The following RMDN2 variants were observed in gnomAD, a reference collection of about 807,000 sequenced individuals.
The protein encoded by RMDN2 is regulator of microtubule dynamics protein 2.
A neutral mutation model predicts 52.8 loss-of-function variants in RMDN2; 61 were observed. The ratio of observed to expected loss-of-function variants is 1.16; its 90% CI spans 0.94 to 1.43. The LOEUF is 1.43. Among genes scored for constraint, RMDN2 ranks in the 40% most tolerant of loss-of-function variants. The pLI, the probability that RMDN2 is intolerant of heterozygous loss-of-function variation, is 0.00. For missense variants in RMDN2, 592 were observed against 475.3 expected (o/e 1.25, Z -2.28); for synonymous variants, 180 against 153.1 (o/e 1.18, Z -1.30).
chr2:38,035,224 G>A (rs1680492358), intron 10 of RMDN2, among the ~76,000 whole-genome samples: 1 of 152,082 alleles, frequency 6.6e-6, no homozygotes, highest in African/African-American at 2.4e-5. Context: ...CATTTACCCT[G>A]AGTAAAACAA....
At chr2:38,033,223 G>C (rs1017997374) in intron 10 of RMDN2, 3 of 152,148 alleles carry the variant, frequency 2.0e-5, no homozygotes, top group Admixed American at 1.3e-4. Context: ...ATAGCCAAAA[G>C]CACCTTTGTT....
chr2:37,922,809 G>A (rs1666068193), upstream of RMDN2, among the ~76,000 whole-genome samples: 1 of 152,164 alleles, frequency 6.6e-6, no homozygotes, highest in South Asian at 2.1e-4. Context: ...GGTTGAATTG[G>A]TTTTGGACGG....
At chr2:37,927,791 ATTTAG>A (rs1214390242) in intron 1 of RMDN2, among the ~76,000 whole-genome samples, 1 of 152,218 alleles carries the variant, frequency 6.6e-6, no homozygotes, top group East Asian at 1.9e-4. Flanking sequence ...TTTCAAGATA[ATTTAG>A]TTTTGTGATA....
intron 2 of RMDN2, among the ~76,000 whole-genome samples, chr2:37,938,376 C>A (rs189864751): frequency 2.0e-5 from 3 of 152,236 alleles, no homozygotes; most frequent in East Asian, 1.9e-4. Flanking sequence ...TGTGTCTCTG[C>A]CAGGTTTTGG....
Position 38,027,588 on chromosome 2 carries a change from T to C in RMDN2, c.1713+23372T>C, listed in dbSNP as rs182510892. Among the ~76,000 whole-genome samples the C allele has an allele frequency of 1.5e-4, 23 of 152,342 alleles. No individual in the cohort carries two copies. The East Asian group carries it at 4.2e-3, about 28-fold the overall frequency. On this transcript the variant is annotated intron_variant, in intron 10 of 10. Coordinates refer to the RMDN2 transcript ENST00000234195. ...GATAAAATAAAGCAAATTGACATAC[T>C]TGTACTATGGAATTACTTATTAAAT...
chr2:38,001,163 A>G (rs186015662), intron 8 of RMDN2, among the ~76,000 whole-genome samples: 317 of 152,348 alleles, frequency 2.1e-3, no homozygotes, highest in Non-Finnish European at 3.6e-3. Context: ...GTTTTAAAGA[A>G]GAGCTAATTT....
At chr2:37,968,616 A>G (rs528590841) in intron 2 of RMDN2, among the ~76,000 whole-genome samples, 2 of 152,292 alleles carry the variant, frequency 1.3e-5, no homozygotes, top group East Asian at 1.9e-4. Context: ...GCTTTCAGAG[A>G]TGCTGTTGTT....
chr2:38,037,639 A>G (rs1680670986), intron 10 of RMDN2, among the ~76,000 whole-genome samples: 1 of 152,166 alleles, frequency 6.6e-6, no homozygotes, highest in Non-Finnish European at 1.5e-5. Context: ...GAGTCTTAAA[A>G]CATAGTTCAG....
At chr2:37,975,338 C>A (rs1312795509) in intron 4 of RMDN2, 24 bp downstream of exon 4, 1 of 1,314,290 alleles carries the variant, frequency 7.6e-7, no homozygotes. Flanking sequence ...AAAGATTATT[C>A]TCAAGTAGCA....
chr2:38,003,374 G>A (rs979151430), intron 8 of RMDN2, among the ~76,000 whole-genome samples: 1 of 152,082 alleles, frequency 6.6e-6, no homozygotes, highest in African/African-American at 2.4e-5. Context: ...ACAATATGGT[G>A]AAATCCCATC....
intron 2 of RMDN2, among the ~76,000 whole-genome samples, chr2:37,944,182 C>G (rs1357940874): frequency 6.6e-6 from 1 of 151,996 alleles, no homozygotes; most frequent in South Asian, 2.1e-4. Context: ...GGAGATGAGG[C>G]CGTTGTTTTT....
At chr2:37,976,196 C>CT (rs1470481952) in intron 4 of RMDN2, 4 of 152,132 alleles carry the variant, frequency 2.6e-5, no homozygotes, top group African/African-American at 9.7e-5. Context: ...GACATCTATA[C>CT]TTTTCTACAA....
intron 8 of RMDN2, among the ~76,000 whole-genome samples, chr2:37,999,193 T>G (rs981052448): frequency 2.0e-5 from 3 of 152,176 alleles, no homozygotes; most frequent in African/African-American, 7.2e-5. Context: ...AGGTAAAGAA[T>G]GCAAATTTCG....
chr2:37,946,877 A>G (rs898229223), intron 2 of RMDN2, among the ~76,000 whole-genome samples: 12 of 152,120 alleles, frequency 7.9e-5, no homozygotes, highest in Admixed American at 2.6e-4. Flanking sequence ...TGTTGCTAGA[A>G]TGCATATGTA....
At chr2:38,045,461 A>G (rs1217718437) in intron 10 of RMDN2, among the ~76,000 whole-genome samples, 2 of 152,222 alleles carry the variant, frequency 1.3e-5, no homozygotes, top group African/African-American at 4.8e-5. Context: ...TTTGCATCTC[A>G]TCTCACCTAA....
At chr2:37,923,071 C>T (rs1292977655), upstream of RMDN2, 1 of 152,164 alleles carries the variant, frequency 6.6e-6, no homozygotes, top group Non-Finnish European at 1.5e-5. Context: ...CTGGTTTTTC[C>T]TTCAGATATT....
At chr2:37,975,431 A>G (rs2125074916) in intron 4 of RMDN2, 117 bp downstream of exon 4, 1 of 595,786 alleles carries the variant, frequency 1.7e-6, no homozygotes, top group Middle Eastern at 4.6e-4. Flanking sequence ...GCTGGAAACC[A>G]TCATTCTCAG....
At position 38,017,680 on chromosome 2, in the gene RMDN2, A is replaced by G. The variant is rs1202924427; in HGVS notation, c.*441A>G. The G allele has an allele frequency of 3.4e-6, 2 of 588,420 alleles. No homozygotes were observed. The highest frequency in any genetic ancestry group is 5.3e-6 in the Non-Finnish European group (2 of 375,532). The allele number at this position is 588,420 out of a possible 1,614,324, so 36.4% of individuals were successfully genotyped here. ...CAGAAGAGGAAAAACAAACAAATGT[A>G]GTATTGTAACTGGTAATCAAAAGAT... On this transcript the variant is annotated 3_prime_UTR_variant, in exon 11 of 11. Transcript: ENST00000354545.
chr2:38,013,783 A>G (rs919113644), intron 10 of RMDN2, among the ~76,000 whole-genome samples: 1 of 152,172 alleles, frequency 6.6e-6, no homozygotes, highest in Non-Finnish European at 1.5e-5. Flanking sequence ...TCTTGTCAAA[A>G]TCCTGTAATG....
Sources: allele counts gnomAD v4.1 joint callset (sites outside exome capture counted in the v4.1 genomes callset), GRCh38; gene constraint gnomAD v4.1.1; transcripts MANE v1.5; gene names NCBI Gene and HGNC (gene_info 2026-07-23, HGNC 2026-07-21).